Variants in MRTFB observed in about 807,000 individuals in gnomAD.
MRTFB encodes myocardin-related transcription factor B.
A neutral mutation model predicts 104.2 loss-of-function variants in MRTFB; 29 were observed. The ratio of observed to expected loss-of-function variants is 0.28; its 90% confidence interval spans 0.21 to 0.38. The LOEUF (loss-of-function observed/expected upper bound fraction) is 0.38, where lower values mean the gene tolerates loss of function less well. Ranked by LOEUF, MRTFB falls within the 10% of genes least tolerant of loss-of-function variation. The pLI is 1.00. For synonymous variants in MRTFB, 535 were observed against 519.5 expected (o/e 1.03, Z -0.41); for missense variants, 1,270 against 1,341.6 (o/e 0.95, Z 0.83).
At chr16:14,216,803 C>A (rs1376790010) in intron 6 of MRTFB, among the ~76,000 whole-genome samples, 1 of 152,222 alleles carries the variant, frequency 6.6e-6, no homozygotes, top group African/African-American at 2.4e-5. Flanking sequence ...TGCCCATCCT[C>A]TGTATCCCCA....
intron 2 of MRTFB, among the ~76,000 whole-genome samples, chr16:14,105,659 A>G (rs1429748178): frequency 6.6e-6 from 1 of 152,136 alleles, no homozygotes; most frequent in Non-Finnish European, 1.5e-5. Flanking sequence ...TCAGCCTCCC[A>G]AAGTGCTGGG....
intron 1 of MRTFB, among the ~76,000 whole-genome samples, chr16:14,075,660 T>C (rs114677793): frequency 0.015 from 2,228 of 152,332 alleles, 54 homozygotes; most frequent in African/African-American, 0.047. Flanking sequence ...AGAGTAGAGC[T>C]CCTTCTCTTC....
chr16:14,082,809 G>GT (rs2034487449), intron 2 of MRTFB, among the ~76,000 whole-genome samples: 1 of 151,930 alleles, frequency 6.6e-6, no homozygotes, highest in Non-Finnish European at 1.5e-5. Flanking sequence ...ATAAAATAAA[G>GT]TAAATAAAAT....
chr16:14,242,043 A>G (rs995781583), intron 10 of MRTFB, among the ~76,000 whole-genome samples: 3 of 151,576 alleles, frequency 2.0e-5, no homozygotes, highest in African/African-American at 4.8e-5. Flanking sequence ...ACTACTTACA[A>G]TGCGTTGTGC....
Position 14,246,613 on chromosome 16 carries a change from A to G in MRTFB, c.1353A>G (p.Ser451=), listed in dbSNP as rs1567213418. ...LAAGGIVAVS[S]SAIVTSNPEV... ...CTGGGGGCATCGTGGCAGTGTCATC[A>G]TCAGCCATTGTCACCAGTAACCCAG... Residue 451 remains serine, a synonymous_variant, in exon 12 of 17, where the codon TCA becomes TCG. Transcript: ENST00000571589. 4 of 1,614,162 alleles carry G rather than the reference A, an allele frequency of 2.5e-6. No individual in the cohort carries two copies. Among genetic ancestry groups the G allele is most frequent in the Non-Finnish European group, 3.4e-6 (4 of 1,180,038 alleles).
chr16:14,025,365 G>A, the MRTFB span, among the ~76,000 whole-genome samples: 1 of 152,202 alleles, frequency 6.6e-6, no homozygotes, highest in South Asian at 2.1e-4. Flanking sequence ...TTTATTTTTT[G>A]TAGAGCTGGG....
chr16:14,136,761 TTC>T (rs2037742426), intron 2 of MRTFB, among the ~76,000 whole-genome samples: 4 of 150,882 alleles, frequency 2.7e-5, no homozygotes, highest in South Asian at 4.4e-4. Flanking sequence ...GGTTTTTTTT[TTC>T]CCCCTGTATT....
chr16:14,174,080 T>C (rs1324867950), intron 3 of MRTFB, among the ~76,000 whole-genome samples: 3 of 152,212 alleles, frequency 2.0e-5, no homozygotes, highest in Admixed American at 6.5e-5. Context: ...ACTTAATGTA[T>C]AATTTTTTTT....
chr16:14,206,027 A>C (rs963028020), intron 3 of MRTFB, among the ~76,000 whole-genome samples: 9 of 146,608 alleles, frequency 6.1e-5, no homozygotes, highest in African/African-American at 2.3e-4. Flanking sequence ...CAGTTGTGCA[A>C]GGCTGAGTGA....
intron 3 of MRTFB, among the ~76,000 whole-genome samples, chr16:14,174,332 T>C (rs1262899924): frequency 6.6e-6 from 1 of 152,218 alleles, no homozygotes; most frequent in African/African-American, 2.4e-5. Flanking sequence ...GTGTGTTGTT[T>C]TGTGCATGGT....
At chr16:14,114,972 G>A (rs1309048362) in intron 2 of MRTFB, among the ~76,000 whole-genome samples, 1 of 152,180 alleles carries the variant, frequency 6.6e-6, no homozygotes, top group Non-Finnish European at 1.5e-5. Context: ...TGAATGAAAG[G>A]ATGAATGAAT....
intron 3 of MRTFB, among the ~76,000 whole-genome samples, chr16:14,203,966 ATTTG>A (rs202227282): frequency 6.6e-6 from 1 of 151,798 alleles, no homozygotes. Flanking sequence ...TTGTGTGTTT[ATTTG>A]TTTGTTTGAG....
chr16:14,211,729 T>C (rs2041197018), intron 4 of MRTFB, among the ~76,000 whole-genome samples: 1 of 152,218 alleles, frequency 6.6e-6, no homozygotes, highest in African/African-American at 2.4e-5. Context: ...TGAGTTGCAC[T>C]GTGGTATGGT....
intron 2 of MRTFB, among the ~76,000 whole-genome samples, chr16:14,113,254 G>A (rs1420022135): frequency 2.0e-5 from 3 of 152,188 alleles, no homozygotes; most frequent in Non-Finnish European, 4.4e-5. Context: ...AGGATGGCCA[G>A]GCTGGTCTCA....
chr16:14,069,673 G>T (rs1332244202), upstream of MRTFB, among the ~76,000 whole-genome samples: 2 of 151,856 alleles, frequency 1.3e-5, no homozygotes, highest in East Asian at 1.9e-4. Context: ...GTAGAGACGG[G>T]GTCTCACTGT....
chr16:14,089,496 G>C (rs184692687), intron 2 of MRTFB, among the ~76,000 whole-genome samples: 2 of 152,274 alleles, frequency 1.3e-5, no homozygotes, highest in African/African-American at 4.8e-5. Context: ...CTGTTGTGTG[G>C]ATAATACTAC....
the MRTFB span, among the ~76,000 whole-genome samples, chr16:14,002,154 G>T: frequency 9.3e-3 from 1,423 of 152,242 alleles, 22 homozygotes; most frequent in African/African-American, 0.032. Flanking sequence ...AGGCTGAGAT[G>T]GGTGGATCAC....
At chr16:14,127,486 C>CA (rs534027918) in intron 2 of MRTFB, among the ~76,000 whole-genome samples, 79 of 150,862 alleles carry the variant, frequency 5.2e-4, no homozygotes, top group Non-Finnish European at 1.0e-3. Flanking sequence ...ACTAAAAATA[C>CA]AAAAAAAATT....
At chr16:14,224,600 GT>G (rs2041913431) in intron 8 of MRTFB, among the ~76,000 whole-genome samples, 1 of 151,044 alleles carries the variant, frequency 6.6e-6, no homozygotes. Context: ...AAAGTGACTG[GT>G]CACCTACAAG....
Sources: allele counts gnomAD v4.1 joint callset (sites outside exome capture counted in the v4.1 genomes callset), GRCh38; gene constraint gnomAD v4.1.1; transcripts MANE v1.5; gene names NCBI Gene and HGNC (gene_info 2026-07-23, HGNC 2026-07-21).